The following NRCAM variants were observed in gnomAD, a reference collection of about 807,000 sequenced individuals.
NRCAM encodes NgCAM-related cell adhesion molecule.
A neutral mutation model predicts 156.5 loss-of-function variants in NRCAM; 83 were observed. The ratio of observed to expected loss-of-function variants is 0.53; its 90% CI spans 0.44 to 0.64. The LOEUF is 0.64. Ranked by LOEUF, NRCAM falls within the 30% of genes least tolerant of loss-of-function variation. The pLI, the probability that NRCAM is intolerant of heterozygous loss-of-function variation, is 0.00. For missense variants in NRCAM, 1,417 were observed against 1,597.3 expected (o/e 0.89, Z 1.92); for synonymous variants, 538 against 563.9 (o/e 0.95, Z 0.65).
intron 3 of NRCAM, among the ~76,000 whole-genome samples, chr7:108,242,620 G>A (rs2095610965): frequency 1.3e-5 from 2 of 152,186 alleles, no homozygotes; most frequent in African/African-American, 4.8e-5. Flanking sequence ...TTGAAAACAT[G>A]CGGATCTTAC....
At chr7:108,325,885 G>C (rs1214534085) in intron 2 of NRCAM, among the ~76,000 whole-genome samples, 2 of 151,834 alleles carry the variant, frequency 1.3e-5, no homozygotes, top group Non-Finnish European at 2.9e-5. Flanking sequence ...GCCACTAGAT[G>C]CATAGAACGT....
chr7:108,428,961 T>A (rs959034859), intron 1 of NRCAM, among the ~76,000 whole-genome samples: 9 of 151,682 alleles, frequency 5.9e-5, no homozygotes, highest in Non-Finnish European at 1.0e-4. Flanking sequence ...TTTTTTTTTT[T>A]AAAGGCTTCC....
Position 108,297,903 on chromosome 7 carries a change from C to T in NRCAM, c.-107+14762G>A, listed in dbSNP as rs79347285. Among the ~76,000 whole-genome samples, 1,030 of 152,102 alleles carry T rather than the reference C, an allele frequency of 6.8e-3. 6 individuals carry two copies. The highest frequency in any genetic ancestry group is 0.011 in the Non-Finnish European group (782 of 68,000). ...GAGCAAAGACCTAAAGAAGAAGCAG[C>T]GAGCTATGGGGATATGTGCAGGAAG... On this transcript the variant is annotated intron_variant, in intron 3 of 32. Coordinates refer to ENST00000379028, the MANE Select transcript of NRCAM (RefSeq NM_001037132.4).
intron 1 of NRCAM, among the ~76,000 whole-genome samples, chr7:108,425,873 G>C (rs1350309671): frequency 6.6e-6 from 1 of 152,164 alleles, no homozygotes. Context: ...AATTACTAAG[G>C]AAAGCCTCAG....
At chr7:108,302,858 C>T (rs2154156208) in intron 3 of NRCAM, among the ~76,000 whole-genome samples, 1 of 152,348 alleles carries the variant, frequency 6.6e-6, no homozygotes, top group South Asian at 2.1e-4. Flanking sequence ...GAATATAATT[C>T]AAACTCAGTA....
chr7:108,445,474 G>A (rs550235774), intron 1 of NRCAM, among the ~76,000 whole-genome samples: 4 of 152,230 alleles, frequency 2.6e-5, no homozygotes, highest in South Asian at 2.1e-4. Flanking sequence ...TGATACATAC[G>A]TATGCCTCAA....
chr7:108,237,340 A>C (rs1405053968), intron 5 of NRCAM, among the ~76,000 whole-genome samples: 1 of 152,200 alleles, frequency 6.6e-6, no homozygotes, highest in East Asian at 1.9e-4. Context: ...AAGGACATAC[A>C]GCTGCCATCT....
chr7:108,336,421 T>C (rs1359233905), intron 2 of NRCAM, among the ~76,000 whole-genome samples: 2 of 152,248 alleles, frequency 1.3e-5, no homozygotes, highest in African/African-American at 4.8e-5. Flanking sequence ...GATTTAACAT[T>C]ATCTGTAGGA....
intron 3 of NRCAM, among the ~76,000 whole-genome samples, chr7:108,287,375 AAC>A (rs1290633401): frequency 6.6e-6 from 1 of 152,128 alleles, no homozygotes; most frequent in African/African-American, 2.4e-5. Flanking sequence ...AGAAATAATC[AAC>A]AGAGTAAACA....
intron 1 of NRCAM, among the ~76,000 whole-genome samples, chr7:108,406,484 T>C (rs1385807968): frequency 6.6e-6 from 1 of 152,202 alleles, no homozygotes; most frequent in Non-Finnish European, 1.5e-5. Context: ...CTACTTCAAA[T>C]GGTAAGGGAT....
At chr7:108,445,582 T>C (rs1274975166) in intron 1 of NRCAM, among the ~76,000 whole-genome samples, 3 of 152,206 alleles carry the variant, frequency 2.0e-5, no homozygotes, top group Non-Finnish European at 4.4e-5. Flanking sequence ...TCATCATTTG[T>C]TACAGTCACA....
chr7:108,432,691 T>C (rs952314108), intron 1 of NRCAM, among the ~76,000 whole-genome samples: 1 of 152,154 alleles, frequency 6.6e-6, no homozygotes, highest in Non-Finnish European at 1.5e-5. Flanking sequence ...TCACTTGAGA[T>C]CAAGAGTTCG....
chr7:108,250,345 G>A (rs2096255939), intron 3 of NRCAM, among the ~76,000 whole-genome samples: 1 of 147,654 alleles, frequency 6.8e-6, no homozygotes, highest in South Asian at 2.1e-4. Flanking sequence ...AAGATGGCTT[G>A]AGCCTGGGAG....
intron 28 of NRCAM, among the ~76,000 whole-genome samples, chr7:108,174,517 C>T (rs1221985270): frequency 6.6e-6 from 1 of 152,216 alleles, no homozygotes; most frequent in African/African-American, 2.4e-5. Flanking sequence ...CTCTAAAAAG[C>T]TGACTGGTCA....
intron 2 of NRCAM, among the ~76,000 whole-genome samples, chr7:108,379,769 C>T (rs2099692765): frequency 6.6e-6 from 1 of 151,686 alleles, no homozygotes; most frequent in African/African-American, 2.4e-5. Context: ...ATAAGATAAA[C>T]ATATTAGACA....
At chr7:108,177,853 C>T (rs571612132) in intron 26 of NRCAM, 137 bp downstream of exon 26, 7 of 609,088 alleles carry the variant, frequency 1.1e-5, no homozygotes, top group East Asian at 3.2e-5. Context: ...GATGAATATG[C>T]GAATTCCCCT....
chr7:108,436,707 A>T (rs1437905472), intron 1 of NRCAM, among the ~76,000 whole-genome samples: 2 of 152,226 alleles, frequency 1.3e-5, no homozygotes, highest in African/African-American at 4.8e-5. Context: ...TACTTTTTAA[A>T]AAGAAAGCAG....
At position 108,240,173 on chromosome 7, in the gene NRCAM, GA is replaced by G; in HGVS notation, c.-106-4del. ...TTAAGTAATTTTCATGCGGGAAACT[GA>G]AAAAGGATAGAGTAGGAATAATAAT... On this transcript the variant is annotated splice_polypyrimidine_tract_variant and splice_region_variant and intron_variant, in intron 3 of 32. Coordinates refer to ENST00000379028, the MANE Select transcript of NRCAM (RefSeq NM_001037132.4). The G allele has an allele frequency of 2.9e-6, 2 of 680,870 alleles. No homozygotes were observed. Among genetic ancestry groups the G allele is most frequent in the Non-Finnish European group, 5.2e-6 (2 of 386,966 alleles). 42.2% of individuals were successfully genotyped at this position (680,870 alleles called of 1,614,324 possible).
rs1034778488 is a variant in NRCAM, at chr7:108,166,248, C to CT, written c.3466+672dup. Among the ~76,000 whole-genome samples the CT allele has an allele frequency of 4.5e-3, 579 of 130,028 alleles. 3 individuals carry two copies. Among genetic ancestry groups the CT allele is most frequent in the East Asian group, 0.031 (141 of 4,538 alleles). The allele number at this position is 130,028 out of a possible 152,430, so 85.3% of individuals were successfully genotyped here. ...AAAGAATTGTGACTTTCTTTCTTTT[C>CT]TTTTTTTTTTTTTTTTTGAGACGGA... On this transcript the variant is annotated intron_variant, in intron 30 of 32. Coordinates refer to ENST00000379028, the MANE Select transcript of NRCAM (RefSeq NM_001037132.4).
Sources: gnomAD v4.1 joint callset for allele counts (sites outside exome capture counted in the v4.1 genomes callset) on GRCh38, gnomAD v4.1.1 for gene constraint, MANE v1.5 for transcripts, NCBI Gene and HGNC (gene_info 2026-07-23, HGNC 2026-07-21) for gene names.